Variants in FAM241A observed in about 807,000 individuals in gnomAD.
FAM241A encodes the protein family with sequence similarity 241 member A.
Under a neutral mutation model 12.2 loss-of-function variants are expected in FAM241A, and 7 were observed. That is an observed-to-expected ratio of 0.58 (90% CI 0.33 to 1.08). The LOEUF (loss-of-function observed/expected upper bound fraction) is 1.08, where lower values mean the gene tolerates loss of function less well. Ranked by LOEUF, FAM241A falls within the 50% of genes least tolerant of loss-of-function variation. The probability of loss-of-function intolerance (pLI) is 0.04; values close to 1 mark genes in which losing one functional copy is unlikely to be tolerated. For missense variants in FAM241A, 161 were observed against 169.7 expected (o/e 0.95, Z 0.29); for synonymous variants, 74 against 68.2 (o/e 1.08, Z -0.42).
chr4:112,159,000 A>T (rs1054355918), intron 1 of FAM241A, among the ~76,000 whole-genome samples: 4 of 152,162 alleles, frequency 2.6e-5, no homozygotes, highest in African/African-American at 9.7e-5. Flanking sequence ...AGCTCTGTTA[A>T]CTGTCATTCT....
At position 112,191,883 on chromosome 4, in the gene FAM241A, T is replaced by C. The variant is rs1724172459; in HGVS notation, c.*4945T>C. The C allele has an allele frequency of 6.6e-6, 1 of 152,206 alleles. No individual in the cohort carries two copies. 9.4% of individuals were successfully genotyped at this position (152,206 alleles called of 1,614,324 possible). On this transcript the variant is annotated 3_prime_UTR_variant, in exon 2 of 2. Transcript: ENST00000309733. ...ATAGGCTTCACAAGGGAAGAGAACA[T>C]GTCTGTCATTCTATAATTGCATTGC... is the stretch of plus-strand genomic sequence containing the variant.
At chr4:112,162,710 AT>A (rs1723501514) in intron 1 of FAM241A, among the ~76,000 whole-genome samples, 1 of 152,244 alleles carries the variant, frequency 6.6e-6, no homozygotes, top group Non-Finnish European at 1.5e-5. Flanking sequence ...GGAAGAATCA[AT>A]ATCATGAAAA....
chr4:112,148,426 A>T (rs1723182416), intron 1 of FAM241A, among the ~76,000 whole-genome samples: 1 of 152,128 alleles, frequency 6.6e-6, no homozygotes, highest in Non-Finnish European at 1.5e-5. Context: ...CATCATTTTT[A>T]ACAATTTGTC....
intron 1 of FAM241A, among the ~76,000 whole-genome samples, chr4:112,160,456 A>G (rs1293963467): frequency 6.6e-6 from 1 of 152,134 alleles, no homozygotes; most frequent in Admixed American, 6.6e-5. Context: ...GGAAGAATCA[A>G]TATTGTTGAA....
At chr4:112,166,531 A>T (rs1723598894) in intron 1 of FAM241A, among the ~76,000 whole-genome samples, 1 of 152,178 alleles carries the variant, frequency 6.6e-6, no homozygotes, top group African/African-American at 2.4e-5. Flanking sequence ...TATTTACAGC[A>T]AAGCATGTTT....
At chr4:112,166,036 T>G (rs893083696) in intron 1 of FAM241A, among the ~76,000 whole-genome samples, 3 of 151,108 alleles carry the variant, frequency 2.0e-5, no homozygotes, top group African/African-American at 7.3e-5. Context: ...ACACCTACTA[T>G]GTACTCAGAA....
At position 112,188,614 on chromosome 4, in the gene FAM241A, T is replaced by G. The variant is rs1334707593; in HGVS notation, c.*1676T>G. The G allele has an allele frequency of 6.6e-6, 1 of 152,158 alleles. No homozygotes were observed. The highest frequency in any genetic ancestry group is 6.5e-5 in the Admixed American group (1 of 15,276). The allele number at this position is 152,158 out of a possible 1,614,324, so 9.4% of individuals were successfully genotyped here. ...TGCAAGTTGTTTGAAAAGGTGTTTT[T>G]ATTAGTGCACAATAGAATTGTGAGG... On this transcript the variant is annotated 3_prime_UTR_variant, in exon 2 of 2. Coordinates refer to ENST00000309733, the MANE Select transcript of FAM241A (RefSeq NM_152400.3).
At chr4:112,154,211 A>G (rs1247804062) in intron 1 of FAM241A, among the ~76,000 whole-genome samples, 4 of 152,070 alleles carry the variant, frequency 2.6e-5, no homozygotes, top group African/African-American at 9.7e-5. Flanking sequence ...TTCAGGAGAG[A>G]TATTTGATTT....
chr4:112,180,156 TAC>T (rs60755379), intron 1 of FAM241A, among the ~76,000 whole-genome samples: 13,348 of 151,664 alleles, frequency 0.088, 695 homozygotes, highest in South Asian at 0.13. Context: ...AAACATTGGG[TAC>T]TCATGGACAT....
At chr4:112,170,115 C>T (rs1453292876) in intron 1 of FAM241A, among the ~76,000 whole-genome samples, 1 of 152,146 alleles carries the variant, frequency 6.6e-6, no homozygotes, top group Non-Finnish European at 1.5e-5. Flanking sequence ...CTTCTTCCTT[C>T]TTTTGGTTTC....
intron 1 of FAM241A, among the ~76,000 whole-genome samples, chr4:112,182,230 C>T (rs1031369087): frequency 2.0e-5 from 3 of 152,096 alleles, no homozygotes; most frequent in Admixed American, 6.5e-5. Context: ...AGAGAGCCCT[C>T]GTCCTCACAA....
chr4:112,171,075 C>A lies in FAM241A; in HGVS notation c.154-15618C>A, dbSNP rs1431488344. On this transcript the variant is annotated intron_variant, in intron 1 of 1. Coordinates refer to ENST00000309733, the MANE Select transcript of FAM241A (RefSeq NM_152400.3). ...AAATAGTAAGTATGACAATTGAGAC[C>A]AGGTGCTATACTACAGTGAGCCAGA... 2.2e-5 allele frequency: 5 copies of A among 232,520 alleles called. No homozygotes were observed. In the Admixed American group the frequency reaches 2.5e-4, roughly 12 times the overall value. 14.4% of individuals were successfully genotyped at this position (232,520 alleles called of 1,614,324 possible).
At chr4:112,179,943 ATGTGTG>A (rs35177969) in intron 1 of FAM241A, among the ~76,000 whole-genome samples, 4 of 129,514 alleles carry the variant, frequency 3.1e-5, no homozygotes, top group East Asian at 2.4e-4. Context: ...ATATATGTAT[ATGTGTG>A]TGTGTGTGTG....
rs142348886 is a variant in FAM241A at position 112,147,617 on chromosome 4, A to G, written c.153+1884A>G. Among the ~76,000 whole-genome samples the G allele has an allele frequency of 5.0e-3, 757 of 152,372 alleles. 4 individuals are homozygous for G. The highest frequency in any genetic ancestry group is 0.017 in the African/African-American group (702 of 41,590). On this transcript the variant is annotated intron_variant, in intron 1 of 1. Transcript: ENST00000309733. The stretch of plus-strand genomic sequence containing the variant: ...GAAATAGTATTACATGTGTAAAGAT[A>G]TTTGAGGAAGAAATGAAATTAACAA...
Position 112,192,214 on chromosome 4 carries a change from T to C in FAM241A, c.*5276T>C, listed in dbSNP as rs1724179865. On this transcript the variant is annotated 3_prime_UTR_variant, in exon 2 of 2. Transcript: ENST00000309733. Reference sequence around the variant, plus strand: ...GAGAAAATGTATTTTCAATGTTTGGTTGATTCACTATTTTTCCAAAAAGGA... The same window carrying C: ...GAGAAAATGTATTTTCAATGTTTGGCTGATTCACTATTTTTCCAAAAAGGA... 2 of 152,192 alleles carry C rather than the reference T, an allele frequency of 1.3e-5. No individual in the cohort carries two copies. The highest frequency in any genetic ancestry group is 4.1e-4 in the South Asian group (2 of 4,830). The allele number at this position is 152,192 out of a possible 1,614,324, so 9.4% of individuals were successfully genotyped here.
intron 1 of FAM241A, among the ~76,000 whole-genome samples, chr4:112,157,104 G>A (rs1425041061): frequency 3.9e-5 from 6 of 152,038 alleles, no homozygotes; most frequent in Non-Finnish European, 2.9e-5. Flanking sequence ...AAACATAAAA[G>A]AAACACGTGT....
intron 1 of FAM241A, among the ~76,000 whole-genome samples, chr4:112,169,395 G>A (rs1723670594): frequency 6.6e-6 from 1 of 152,174 alleles, no homozygotes. Context: ...AAAGGTATAT[G>A]TTACAGTATA....
intron 1 of FAM241A, among the ~76,000 whole-genome samples, chr4:112,154,726 C>T (rs900871825): frequency 1.3e-5 from 2 of 151,970 alleles, no homozygotes; most frequent in Non-Finnish European, 2.9e-5. Flanking sequence ...TCTTAACCTG[C>T]AGTTTGAAAT....
At chr4:112,168,289 C>T (rs1185118784) in intron 1 of FAM241A, among the ~76,000 whole-genome samples, 1 of 152,154 alleles carries the variant, frequency 6.6e-6, no homozygotes, top group Non-Finnish European at 1.5e-5. Flanking sequence ...CTCTTTAGTT[C>T]TATAAATAAT....
Sources: allele counts gnomAD v4.1 joint callset (sites outside exome capture counted in the v4.1 genomes callset), GRCh38; gene constraint gnomAD v4.1.1; transcripts MANE v1.5; gene names NCBI Gene and HGNC (gene_info 2026-07-23, HGNC 2026-07-21).